The following SGMS1 variants were observed in gnomAD, a reference collection of about 807,000 sequenced individuals.
The protein encoded by SGMS1 is phosphatidylcholine:ceramide cholinephosphotransferase 1.
In SGMS1, 13 loss-of-function variants were observed where a neutral mutation model predicts 46.2. That is an observed-to-expected ratio of 0.28 (90% CI 0.18 to 0.45). SGMS1 has a LOEUF of 0.45. SGMS1 is among the 20% of genes least tolerant of loss of function. The pLI is 1.00. For missense variants in SGMS1, 324 were observed against 519.9 expected (o/e 0.62, Z 3.66); for synonymous variants, 203 against 187.8 (o/e 1.08, Z -0.66).
chr10:50,512,754 T>C (rs769692502), intron 3 of SGMS1, among the ~76,000 whole-genome samples: 43 of 152,252 alleles, frequency 2.8e-4, no homozygotes, highest in Non-Finnish European at 5.1e-4. Flanking sequence ...TTTTACAACA[T>C]AAATTTAAAA....
chr10:50,622,148 T>TG (rs1232897288), intron 1 of SGMS1, among the ~76,000 whole-genome samples: 1 of 152,222 alleles, frequency 6.6e-6, no homozygotes, highest in East Asian at 1.9e-4. Context: ...GCTGGAAGGC[T>TG]GCCACCTGCT....
intron 4 of SGMS1, among the ~76,000 whole-genome samples, chr10:50,461,304 C>T (rs1837261424): frequency 6.6e-6 from 1 of 152,098 alleles, no homozygotes; most frequent in South Asian, 2.1e-4. Context: ...TCATAAGTAA[C>T]AGCTTTTATA....
intron 6 of SGMS1, among the ~76,000 whole-genome samples, chr10:50,355,890 C>T (rs1249489274): frequency 2.6e-5 from 4 of 152,094 alleles, no homozygotes; most frequent in South Asian, 4.1e-4. Flanking sequence ...GCCGCGACCC[C>T]GTCTGGGAAC....
chr10:50,468,692 C>T (rs969953900), intron 3 of SGMS1, among the ~76,000 whole-genome samples: 10 of 152,118 alleles, frequency 6.6e-5, no homozygotes, highest in African/African-American at 2.4e-4. Context: ...GCATGCCACA[C>T]CTGCATGAAT....
At chr10:50,610,651 T>A (rs1348120158) in intron 1 of SGMS1, among the ~76,000 whole-genome samples, 5 of 152,200 alleles carry the variant, frequency 3.3e-5, no homozygotes. Context: ...GTAACTTAGT[T>A]GTCACTACAT....
At chr10:50,610,986 G>C (rs1838744439) in intron 1 of SGMS1, among the ~76,000 whole-genome samples, 1 of 152,136 alleles carries the variant, frequency 6.6e-6, no homozygotes, top group Non-Finnish European at 1.5e-5. Flanking sequence ...CTTGGGTCTG[G>C]GGGTGTGTAG....
chr10:50,419,651 G>T (rs1410995607), intron 6 of SGMS1, among the ~76,000 whole-genome samples: 1 of 152,104 alleles, frequency 6.6e-6, no homozygotes, highest in Non-Finnish European at 1.5e-5. Flanking sequence ...TTGGGAATTG[G>T]CAAATTACAG....
At chr10:50,584,671 G>A (rs1175697513) in intron 2 of SGMS1, among the ~76,000 whole-genome samples, 1 of 152,030 alleles carries the variant, frequency 6.6e-6, no homozygotes, top group Non-Finnish European at 1.5e-5. Context: ...AAGCACTATG[G>A]GTCACCCAGA....
At chr10:50,432,678 G>A (rs932397599) in intron 6 of SGMS1, among the ~76,000 whole-genome samples, 1 of 152,216 alleles carries the variant, frequency 6.6e-6, no homozygotes, top group African/African-American at 2.4e-5. Context: ...AGGAAGAAAA[G>A]TAAATATGAT....
chr10:50,322,010 T>C (rs1468273002), intron 8 of SGMS1, among the ~76,000 whole-genome samples: 1 of 152,234 alleles, frequency 6.6e-6, no homozygotes, highest in South Asian at 2.1e-4. Flanking sequence ...AAGGCTGTTC[T>C]GCTGTTGCAT....
chr10:50,434,610 C>T (rs1849449614), intron 5 of SGMS1, among the ~76,000 whole-genome samples: 1 of 151,960 alleles, frequency 6.6e-6, no homozygotes, highest in South Asian at 2.1e-4. Context: ...GCAGTGGTGG[C>T]TCACGCCTCT....
intron 2 of SGMS1, among the ~76,000 whole-genome samples, chr10:50,579,214 G>A (rs1278604842): frequency 1.3e-5 from 2 of 151,964 alleles, no homozygotes; most frequent in Non-Finnish European, 2.9e-5. Flanking sequence ...GGGTTAGAAG[G>A]TAAACGTAGG....
intron 8 of SGMS1, among the ~76,000 whole-genome samples, chr10:50,312,883 G>A (rs1367665180): frequency 6.6e-6 from 1 of 152,152 alleles, no homozygotes; most frequent in African/African-American, 2.4e-5. Context: ...GTTTGGGCTG[G>A]AAAGCAAACA....
chr10:50,572,553 G>A (rs1251477596), intron 2 of SGMS1, among the ~76,000 whole-genome samples: 1 of 152,022 alleles, frequency 6.6e-6, no homozygotes, highest in African/African-American at 2.4e-5. Flanking sequence ...GTGATGGGAG[G>A]GACCCTTCCA....
intron 2 of SGMS1, among the ~76,000 whole-genome samples, chr10:50,547,303 A>G (rs529330418): frequency 7.9e-5 from 12 of 152,310 alleles, no homozygotes; most frequent in African/African-American, 2.6e-4. Flanking sequence ...ACTAGCTAGC[A>G]TAAAAAAGAA....
chr10:50,533,018 T>C (rs1295051090), intron 2 of SGMS1, among the ~76,000 whole-genome samples: 1 of 152,084 alleles, frequency 6.6e-6, no homozygotes, highest in Non-Finnish European at 1.5e-5. Flanking sequence ...AACTCACAAA[T>C]AAATGAGACA....
intron 6 of SGMS1, among the ~76,000 whole-genome samples, chr10:50,374,932 G>C (rs1325968816): frequency 6.6e-6 from 1 of 152,086 alleles, no homozygotes; most frequent in Non-Finnish European, 1.5e-5. Context: ...TTCATACTCT[G>C]TATTTTACTT....
At chr10:50,593,072 G>C (rs1838557826) in intron 1 of SGMS1, among the ~76,000 whole-genome samples, 1 of 152,270 alleles carries the variant, frequency 6.6e-6, no homozygotes, top group East Asian at 1.9e-4. Context: ...CTCTGTTTTC[G>C]GAGGGAAGCT....
At chr10:50,460,005 C>A (rs1386400501) in intron 5 of SGMS1, 1 of 151,982 alleles carries the variant, frequency 6.6e-6, no homozygotes, top group East Asian at 1.9e-4. Context: ...CCTAAAGGAT[C>A]ACGGTGACAT....
Sources: gnomAD v4.1 joint callset for allele counts (sites outside exome capture counted in the v4.1 genomes callset) on GRCh38, gnomAD v4.1.1 for gene constraint, MANE v1.5 for transcripts, NCBI Gene and HGNC (gene_info 2026-07-23, HGNC 2026-07-21) for gene names.